The following ATE1 variants were observed in gnomAD, a reference collection of about 807,000 sequenced individuals.
ATE1 encodes arginyl-tRNA--protein transferase 1.
Under a neutral mutation model 70.5 loss-of-function variants are expected in ATE1, and 36 were observed. The ratio of observed to expected loss-of-function variants is 0.51; its 90% CI spans 0.39 to 0.67. ATE1 has a LOEUF of 0.67. ATE1 is among the 30% of genes least tolerant of loss of function. ATE1 has a pLI of 0.00. For missense variants in ATE1, 593 were observed against 629.5 expected, an observed-to-expected ratio of 0.94 and a Z score of 0.62; for synonymous variants, 232 against 219.3, an observed-to-expected ratio of 1.06 and a Z score of -0.51.
chr10:121,892,873 C>T (rs1950628832), intron 7 of ATE1, among the ~76,000 whole-genome samples: 1 of 152,334 alleles, frequency 6.6e-6, no homozygotes, highest in East Asian at 1.9e-4. Flanking sequence ...ATTAAGACCA[C>T]TGACATCCAG....
At chr10:121,905,831 G>A (rs146967015) in intron 5 of ATE1, among the ~76,000 whole-genome samples, 17 of 143,424 alleles carry the variant, frequency 1.2e-4, no homozygotes, top group Admixed American at 4.4e-4. Flanking sequence ...AAGCAACACA[G>A]CGAGACTCTG....
intron 4 of ATE1, among the ~76,000 whole-genome samples, chr10:121,912,649 C>G (rs1951488998): frequency 6.6e-6 from 1 of 151,840 alleles, no homozygotes; most frequent in South Asian, 2.1e-4. Flanking sequence ...AAGACTCCGT[C>G]TCCAAAAATA....
chr10:121,907,156 A>T (rs1245022284), intron 5 of ATE1, among the ~76,000 whole-genome samples: 1 of 152,146 alleles, frequency 6.6e-6, no homozygotes, highest in Non-Finnish European at 1.5e-5. Flanking sequence ...AAAAAAAAGA[A>T]AAAGATAAAA....
chr10:121,794,431 C>A (rs565985612), intron 10 of ATE1, among the ~76,000 whole-genome samples: 2 of 151,600 alleles, frequency 1.3e-5, no homozygotes, highest in South Asian at 4.2e-4. Context: ...ACAGTGAGAC[C>A]CCATCTCTAC....
intron 5 of ATE1, among the ~76,000 whole-genome samples, chr10:121,906,359 C>G (rs150089246): frequency 0.014 from 2,100 of 152,152 alleles, 43 homozygotes; most frequent in African/African-American, 0.048. Flanking sequence ...AAAACCCCCT[C>G]TCTACTAAAA....
At chr10:121,828,279 AC>A (rs1343925007) in intron 10 of ATE1, among the ~76,000 whole-genome samples, 1 of 152,212 alleles carries the variant, frequency 6.6e-6, no homozygotes, top group Non-Finnish European at 1.5e-5. Context: ...TCACTTTCAT[AC>A]CTACACCATG....
chr10:121,912,503 T>A (rs921660506), intron 4 of ATE1, among the ~76,000 whole-genome samples: 10 of 150,836 alleles, frequency 6.6e-5, no homozygotes, highest in African/African-American at 1.5e-4. Flanking sequence ...TACAAAAAAA[T>A]TAGCCAGATG....
In ATE1 at chr10:121,836,822, G is replaced by A. The variant is rs770510228; in HGVS notation, c.1158-5C>T. On this transcript the variant is annotated splice_region_variant and splice_polypyrimidine_tract_variant and intron_variant, in intron 9 of 11. Coordinates refer to ENST00000224652, the MANE Select transcript of ATE1 (RefSeq NM_001001976.3). ...TGCCTAGTAAAAGCAATTTCTCTGC[G>A]AAAAGAAAAAGAAGAAAGCTGAAGG... is the stretch of plus-strand genomic sequence containing the variant. 23 of 1,578,084 alleles carry A rather than the reference G, an allele frequency of 1.5e-5. No individual in the cohort carries two copies. Among genetic ancestry groups the A allele is most frequent in the South Asian group, 8.2e-5 (7 of 85,746 alleles).
intron 5 of ATE1, among the ~76,000 whole-genome samples, chr10:121,909,527 G>A (rs1159152596): frequency 6.6e-6 from 1 of 151,976 alleles, no homozygotes; most frequent in African/African-American, 2.4e-5. Flanking sequence ...TTTGGAAGGG[G>A]GAACTAGATG....
chr10:121,755,457 A>G (rs1390823117), intron 11 of ATE1, among the ~76,000 whole-genome samples: 1 of 152,256 alleles, frequency 6.6e-6, no homozygotes, highest in Non-Finnish European at 1.5e-5. Flanking sequence ...AGTGAAGGGT[A>G]TGCATATGTT....
At chr10:121,900,716 G>A (rs549948414) in intron 6 of ATE1, among the ~76,000 whole-genome samples, 19 of 152,272 alleles carry the variant, frequency 1.2e-4, no homozygotes, top group African/African-American at 3.6e-4. Context: ...GCCGTGAGAC[G>A]TAATTCTATG....
intron 10 of ATE1, among the ~76,000 whole-genome samples, chr10:121,819,462 T>TG (rs1947692410): frequency 6.6e-6 from 1 of 152,054 alleles, no homozygotes; most frequent in African/African-American, 2.4e-5. Context: ...CCCAGCACTT[T>TG]GGGAGGCCGA....
chr10:121,884,200 T>TTA (rs1366462542), intron 7 of ATE1, among the ~76,000 whole-genome samples: 1 of 151,876 alleles, frequency 6.6e-6, no homozygotes, highest in African/African-American at 2.4e-5. Flanking sequence ...TAATTAATTC[T>TTA]TTAAATATGA....
At chr10:121,791,373 C>T (rs368906259) in intron 10 of ATE1, among the ~76,000 whole-genome samples, 2 of 152,012 alleles carry the variant, frequency 1.3e-5, no homozygotes, top group African/African-American at 2.4e-5. Flanking sequence ...GGATTACAGG[C>T]ATGAGCCACC....
Position 121,837,006 on chromosome 10 carries a change from C to T in ATE1, c.1158-189G>A, listed in dbSNP as rs12218345. On this transcript the variant is annotated intron_variant, in intron 9 of 11. Coordinates refer to ENST00000224652, the MANE Select transcript of ATE1 (RefSeq NM_001001976.3). ...ACTAAAGAAATAATAAAACCCTCTA[C>T]ATAATTTTAAGCAAATGCATCTAAG... Among the ~76,000 whole-genome samples, 32 of 152,302 alleles carry T rather than the reference C, an allele frequency of 2.1e-4. 1 individual carries two copies. The East Asian group carries it at 6.0e-3, about 28-fold the overall frequency.
chr10:121,744,949 T>C (rs577842662), intron 11 of ATE1, among the ~76,000 whole-genome samples: 7 of 152,176 alleles, frequency 4.6e-5, no homozygotes, highest in Non-Finnish European at 1.0e-4. Context: ...GCCTGGAACG[T>C]TGGACTTCAT....
Position 121,741,319 on chromosome 10 carries a change from C to A in ATE1, c.*2361G>T, listed in dbSNP as rs997232070. On this transcript the variant is annotated 3_prime_UTR_variant, in exon 12 of 12. Transcript: ENST00000224652. ...CACTTTGACTACTTGGATCAATACA[C>A]TAGCTATTCTCAAACCAACATAATG... The A allele has an allele frequency of 6.6e-6, 1 of 152,180 alleles. No homozygotes were observed. The highest frequency in any genetic ancestry group is 2.4e-5 in the African/African-American group (1 of 41,450). The allele number at this position is 152,180 out of a possible 1,614,324, so 9.4% of individuals were successfully genotyped here.
chr10:121,899,820 A>C, intron 7 of ATE1, 46 bp downstream of exon 7: 5 of 1,581,410 alleles, frequency 3.2e-6, no homozygotes, highest in Non-Finnish European at 4.3e-6. Context: ...ATTAAGTGGA[A>C]GGGAAAGCTC....
At chr10:121,876,622 T>A (rs1203505594) in intron 7 of ATE1, among the ~76,000 whole-genome samples, 1 of 152,170 alleles carries the variant, frequency 6.6e-6, no homozygotes, top group African/African-American at 2.4e-5. Context: ...GATAACAGTA[T>A]AACAATTCTA....
Sources: allele counts gnomAD v4.1 joint callset (sites outside exome capture counted in the v4.1 genomes callset), GRCh38; gene constraint gnomAD v4.1.1; transcripts MANE v1.5; gene names NCBI Gene and HGNC (gene_info 2026-07-23, HGNC 2026-07-21).